The following MEAK7 variants were observed in gnomAD, a reference collection of about 807,000 sequenced individuals.
MEAK7 encodes MTOR-associated protein MEAK7.
In MEAK7, 68 loss-of-function variants were observed where a neutral mutation model predicts 40.5. The ratio of observed to expected loss-of-function variants is 1.68; its 90% CI spans 1.38 to 2.06. The LOEUF is 2.06. MEAK7 is among the 30% of genes most tolerant of loss of function. MEAK7 has a pLI of 0.00. For synonymous variants in MEAK7, 338 were observed against 231.9 expected (o/e 1.46, Z -4.16); for missense variants, 918 against 580.5 (o/e 1.58, Z -5.98).
chr16:84,497,417 A>G lies in MEAK7; in HGVS notation c.153+517T>C, dbSNP rs1047351763. On this transcript the variant is annotated intron_variant, in intron 2 of 7. Coordinates refer to ENST00000343629, the MANE Select transcript of MEAK7 (RefSeq NM_020947.4). Reference sequence around the variant, plus strand: ...TGAAATTCCTAGCCATCAAACACATACACATTCTAGAGGCAACGGTGCACC... The same window carrying G: ...TGAAATTCCTAGCCATCAAACACATGCACATTCTAGAGGCAACGGTGCACC... The G allele has an allele frequency of 7.8e-6, 10 of 1,286,334 alleles. No individual in the cohort carries two copies. In the African/African-American group the frequency reaches 1.4e-4, roughly 18 times the overall value. The allele number at this position is 1,286,334 out of a possible 1,614,324, so 79.7% of individuals were successfully genotyped here.
Position 84,480,586 on chromosome 16 carries a change from G to A in MEAK7, c.1200C>T (p.Asn400=). The change falls in exon 7 of 8, where the codon AAC becomes AAT. Residue 400 remains asparagine, a synonymous_variant. Coordinates refer to ENST00000343629, the MANE Select transcript of MEAK7 (RefSeq NM_020947.4). ...ACACCTCCATCTTATCAAACTGGAAGTTCTCCTGAGCCGACAGCTGCGGGC... is the reference window on the plus strand; with the variant it reads ...ACACCTCCATCTTATCAAACTGGAAATTCTCCTGAGCCGACAGCTGCGGGC... ...YNSPQLSAQE[N]FQFDKMEVWA... is the part of the protein sequence containing the mutation. 6.2e-7 allele frequency: 1 copy of A among 1,614,076 alleles called. No individual in the cohort carries two copies. The highest frequency in any genetic ancestry group is 8.5e-7 in the Non-Finnish European group (1 of 1,179,982).
At chr16:84,480,198 G>T (rs1912401246) in intron 7 of MEAK7, among the ~76,000 whole-genome samples, 172 bp from the exon 8 acceptor site, 1 of 152,168 alleles carries the variant, frequency 6.6e-6, no homozygotes, top group African/African-American at 2.4e-5. Context: ...AGGAGGTTCA[G>T]GGGCCAACAG....
intron 1 of MEAK7, chr16:84,504,245 C>T (rs1233808001): frequency 2.6e-6 from 2 of 775,046 alleles, no homozygotes; most frequent in Non-Finnish European, 3.1e-6. Flanking sequence ...TCCGTGGAGG[C>T]ACCCCTCCCT....
intron 3 of MEAK7, chr16:84,495,471 C>G: frequency 1.7e-6 from 1 of 577,692 alleles, no homozygotes; most frequent in South Asian, 2.0e-5. Context: ...CGCTTTAAGT[C>G]CTGAAGCCCT....
At chr16:84,493,706 T>C (rs1913815149) in intron 3 of MEAK7, among the ~76,000 whole-genome samples, 1 of 152,388 alleles carries the variant, frequency 6.6e-6, no homozygotes, top group African/African-American at 2.4e-5. Context: ...ATTATTTGCA[T>C]ACATTCAATA....
chr16:84,499,098 T>C (rs1914289491), intron 1 of MEAK7, among the ~76,000 whole-genome samples: 1 of 152,188 alleles, frequency 6.6e-6, no homozygotes, highest in Non-Finnish European at 1.5e-5. Context: ...TTTGAGGCGC[T>C]GGGGTAGCGT....
intron 2 of MEAK7, among the ~76,000 whole-genome samples, chr16:84,496,476 C>T (rs932799268): frequency 6.6e-6 from 1 of 152,166 alleles, no homozygotes; most frequent in Non-Finnish European, 1.5e-5. Context: ...TTCCTTCTTG[C>T]CTATTAAACT....
Position 84,480,005 on chromosome 16 carries a change from G to A in MEAK7, c.1279C>T (p.Leu427=). The change falls in exon 8 of 8, where the codon CTG becomes TTG. Residue 427 remains leucine, a synonymous_variant. Coordinates refer to ENST00000343629, the MANE Select transcript of MEAK7 (RefSeq NM_020947.4). The stretch of plus-strand genomic sequence containing the variant: ...GCCTGGGCCTCAGGGTCCGCATCCA[G>A]GATGCTCTTGTTGCCCTTGGCCTTG... ...EQLAKGNKSI[L]DADPEAQALL... 2 of 1,606,344 alleles carry A rather than the reference G, an allele frequency of 1.2e-6. No individual in the cohort carries two copies. The highest frequency in any genetic ancestry group is 2.2e-5 in the East Asian group (1 of 44,488).
At chr16:84,500,015 T>C (rs1239149423) in intron 1 of MEAK7, 2 of 151,816 alleles carry the variant, frequency 1.3e-5, no homozygotes, top group Admixed American at 6.6e-5. Context: ...CCAGCCTGGG[T>C]AAAAGGGCAA....
At chr16:84,485,480 G>T (rs993496734) in intron 5 of MEAK7, among the ~76,000 whole-genome samples, 1 of 152,184 alleles carries the variant, frequency 6.6e-6, no homozygotes, top group African/African-American at 2.4e-5. Flanking sequence ...CAGAACCTCT[G>T]CCTGGTGGAG....
Position 84,478,110 on chromosome 16 carries a change from T to TA in MEAK7, c.*1802dup, listed in dbSNP as rs756809574. ...AGTGAGGTATTTAATTGCATTTTTATAAAAAACATTGCAAAACAAAGTGAC... is the reference window on the plus strand; with the variant it reads ...AGTGAGGTATTTAATTGCATTTTTATAAAAAAACATTGCAAAACAAAGTGAC... On this transcript the variant is annotated 3_prime_UTR_variant, in exon 8 of 8. Transcript: ENST00000343629. The TA allele has an allele frequency of 2.7e-5, 4 of 150,542 alleles. No homozygotes were observed. Among genetic ancestry groups the TA allele is most frequent in the Non-Finnish European group, 5.9e-5 (4 of 67,244 alleles). 9.3% of individuals were successfully genotyped at this position (150,542 alleles called of 1,614,324 possible).
chr16:84,494,641 T>C (rs1913893982), intron 3 of MEAK7: 1 of 337,064 alleles, frequency 3.0e-6, no homozygotes, highest in Non-Finnish European at 5.8e-6. Context: ...TCTTCCCTTT[T>C]TTGTTTGTTG....
At chr16:84,504,245 C>A in intron 1 of MEAK7, 1 of 775,166 alleles carries the variant, frequency 1.3e-6, no homozygotes, top group Non-Finnish European at 1.6e-6. Context: ...TCCGTGGAGG[C>A]ACCCCTCCCT....
rs1304162659 is a variant in MEAK7 at position 84,478,257 on chromosome 16, A to G, written c.*1656T>C. On this transcript the variant is annotated 3_prime_UTR_variant, in exon 8 of 8. Transcript: ENST00000343629. ...CCCCATAAGCCATTACAAACTGGCT[A>G]AGGAAAATCAGTCATGACTAAGTCC... 1 of 152,206 alleles carries G rather than the reference A, an allele frequency of 6.6e-6. No individual in the cohort carries two copies. Among genetic ancestry groups the G allele is most frequent in the African/African-American group, 2.4e-5 (1 of 41,450 alleles). The allele number at this position is 152,206 out of a possible 1,614,324, so 9.4% of individuals were successfully genotyped here. A position where few individuals can be genotyped will look rare whatever the true frequency, so the allele number is the denominator to read the frequency against.
intron 5 of MEAK7, among the ~76,000 whole-genome samples, chr16:84,483,661 G>A (rs1173837820): frequency 6.6e-6 from 1 of 152,240 alleles, no homozygotes. Flanking sequence ...TCTGTAGAGT[G>A]TGGGCTGACA....
At position 84,479,131 on chromosome 16, in the gene MEAK7, C is replaced by T. The variant is rs986424515; in HGVS notation, c.*782G>A. 1 of 152,242 alleles carries T rather than the reference C, an allele frequency of 6.6e-6. No homozygotes were observed. Among genetic ancestry groups the T allele is most frequent in the Non-Finnish European group, 1.5e-5 (1 of 68,062 alleles). 9.4% of individuals were successfully genotyped at this position (152,242 alleles called of 1,614,324 possible). On this transcript the variant is annotated 3_prime_UTR_variant, in exon 8 of 8. Coordinates refer to ENST00000343629, the MANE Select transcript of MEAK7 (RefSeq NM_020947.4). ...AATACCTTCTGAGGACTCATGCCAC[C>T]ACCAGACCATGTTACCTCAAAGTCT...
intron 1 of MEAK7, chr16:84,503,987 T>C (rs1008321701): frequency 4.1e-6 from 4 of 985,484 alleles, no homozygotes; most frequent in African/African-American, 1.7e-5. Context: ...TCCAACTGCC[T>C]CATCTGGACA....
intron 5 of MEAK7, among the ~76,000 whole-genome samples, chr16:84,483,110 C>T (rs761886001): frequency 9.2e-5 from 14 of 152,190 alleles, no homozygotes; most frequent in Non-Finnish European, 1.6e-4. Flanking sequence ...CCTGAGCAGG[C>T]AAGTGACGCT....
chr16:84,487,385 A>C, intron 4 of MEAK7: 1 of 293,692 alleles, frequency 3.4e-6, no homozygotes. Flanking sequence ...AAAATTTCAC[A>C]TGGGGCTTGC....
Sources: allele counts gnomAD v4.1 joint callset (sites outside exome capture counted in the v4.1 genomes callset), GRCh38; gene constraint gnomAD v4.1.1; transcripts MANE v1.5; gene names NCBI Gene and HGNC (gene_info 2026-07-23, HGNC 2026-07-21).